Variants in KSR2 observed in about 807,000 individuals in gnomAD.
KSR2 encodes kinase suppressor of ras 2.
KSR2 carries 25 observed loss-of-function variants against 107.8 expected under a neutral mutation model. The observed-to-expected ratio is 0.23, with a 90% CI of 0.17 to 0.32. KSR2 has a LOEUF of 0.32. Among genes scored for constraint, KSR2 ranks in the 10% least tolerant of loss-of-function variants. The pLI is 1.00. For missense variants in KSR2, 887 were observed against 1,268.9 expected (o/e 0.70, Z 4.57); for synonymous variants, 480 against 507.0 (o/e 0.95, Z 0.71).
chr12:117,732,911 G>A (rs1887788569), intron 4 of KSR2, among the ~76,000 whole-genome samples: 1 of 152,138 alleles, frequency 6.6e-6, no homozygotes, highest in Admixed American at 6.5e-5. Context: ...GCCCCGCCCT[G>A]CGAGAGGGTC....
intron 14 of KSR2, among the ~76,000 whole-genome samples, chr12:117,489,741 T>C (rs1032300893): frequency 5.3e-5 from 8 of 152,134 alleles, no homozygotes; most frequent in Non-Finnish European, 7.4e-5. Context: ...GGCCTGGCTG[T>C]GCCCACCTGG....
At chr12:117,680,124 T>C (rs1305883930) in intron 4 of KSR2, among the ~76,000 whole-genome samples, 1 of 152,234 alleles carries the variant, frequency 6.6e-6, no homozygotes, top group Admixed American at 6.5e-5. Flanking sequence ...AGCATACAGC[T>C]TCTCTCTTGA....
At chr12:117,701,862 G>A (rs542636033) in intron 4 of KSR2, among the ~76,000 whole-genome samples, 1 of 152,170 alleles carries the variant, frequency 6.6e-6, no homozygotes. Flanking sequence ...TAGAGCCTTC[G>A]GAAGGAGCAT....
At chr12:117,670,018 T>C (rs1884837967) in intron 4 of KSR2, among the ~76,000 whole-genome samples, 1 of 152,194 alleles carries the variant, frequency 6.6e-6, no homozygotes, top group Non-Finnish European at 1.5e-5. Context: ...GCATCTTCCT[T>C]GCCAACAGAT....
intron 3 of KSR2, among the ~76,000 whole-genome samples, chr12:117,847,336 C>T (rs1434800746): frequency 2.0e-5 from 3 of 152,230 alleles, no homozygotes; most frequent in Non-Finnish European, 4.4e-5. Flanking sequence ...CAGAGGGCAT[C>T]TGAGGCTGTC....
In KSR2 at chr12:117,469,762, C is replaced by G. The variant is rs1324179871; in HGVS notation, c.2746G>C (p.Glu916Gln). Residue 916 changes from glutamate (E) to glutamine (Q), a missense_variant, in exon 19 of 20, where the codon GAA (glutamate) becomes CAA (glutamine). Physicochemically the swap from Glu to Gln is conservative, Grantham distance 29. Coordinates refer to ENST00000339824, the MANE Select transcript of KSR2 (RefSeq NM_173598.6). The part of the protein sequence containing the change: ...ILLFCWAFEQ[E>Q]ERPTFTKLMD... ...AGCTTGGTGAAGGTAGGTCTCTCTT[C>G]TTGTTCAAAGGCCCAGCAGAAGAGA... is the stretch of plus-strand genomic sequence containing the variant. 6.2e-7 allele frequency: 1 copy of G among 1,613,800 alleles called. No individual in the cohort carries two copies. Among genetic ancestry groups the G allele is most frequent in the Non-Finnish European group, 8.5e-7 (1 of 1,179,888 alleles).
At position 117,551,474 on chromosome 12, in the gene KSR2, T is replaced by G. The variant is rs1484891512; in HGVS notation, c.1518+3695A>C. On this transcript the variant is annotated intron_variant, in intron 9 of 19. Transcript: ENST00000339824. ...ATGTCTATTTTACATAAAGGAAAAC[T>G]AAGGCAGACAGATCTTGAGATAACT... 3.3e-5 allele frequency among the ~76,000 whole-genome samples: 5 copies of G among 152,180 alleles called. No individual in the cohort carries two copies. The South Asian group carries it at 1.0e-3, about 32-fold the overall frequency.
At chr12:117,648,356 T>C (rs955707046) in intron 5 of KSR2, among the ~76,000 whole-genome samples, 14 of 152,122 alleles carry the variant, frequency 9.2e-5, no homozygotes, top group Admixed American at 7.2e-4. Context: ...ACCCCCACCA[T>C]TGTCCGACAC....
intron 5 of KSR2, among the ~76,000 whole-genome samples, chr12:117,623,264 G>A (rs1882289796): frequency 6.6e-6 from 1 of 151,906 alleles, no homozygotes; most frequent in Non-Finnish European, 1.5e-5. Context: ...TAAGTTCTAG[G>A]GTACATGTGC....
chr12:117,472,676 G>A (rs1176711306), intron 17 of KSR2, among the ~76,000 whole-genome samples: 4 of 152,200 alleles, frequency 2.6e-5, no homozygotes, highest in Non-Finnish European at 5.9e-5. Context: ...GCTGGGGAAG[G>A]GGTGGTGATG....
chr12:117,579,148 C>T lies in KSR2; in HGVS notation c.1296G>A (p.Met432Ile). The T allele has an allele frequency of 6.2e-7, 1 of 1,613,730 alleles. No individual in the cohort carries two copies. Among genetic ancestry groups the T allele is most frequent in the Non-Finnish European group, 8.5e-7 (1 of 1,179,816 alleles). ...SQTCTVCGKGMLFGLKCKNCK... is the reference protein window; with the variant it reads ...SQTCTVCGKGILFGLKCKNCK... ...AGTTTTTACACTTGAGGCCAAAAAG[C>T]ATCCCTTTCCCACAGACTGTGCACG... The change falls in exon 7 of 20, where the codon ATG becomes ATA. Residue 432 changes from methionine to isoleucine, a missense_variant. By Grantham distance (10) the Met-to-Ile change is conservative (BLOSUM62 1). Transcript: ENST00000339824.
chr12:117,672,248 T>C (rs1884942385), intron 4 of KSR2, among the ~76,000 whole-genome samples: 1 of 152,232 alleles, frequency 6.6e-6, no homozygotes, highest in African/African-American at 2.4e-5. Flanking sequence ...TCCTAATGAC[T>C]GTGACTGTGT....
intron 3 of KSR2, among the ~76,000 whole-genome samples, chr12:117,827,991 T>C (rs968473696): frequency 6.6e-5 from 10 of 152,216 alleles, no homozygotes; most frequent in Admixed American, 5.2e-4. Context: ...TTATCTCATA[T>C]TATCTTCCCT....
intron 3 of KSR2, among the ~76,000 whole-genome samples, chr12:117,781,573 G>C (rs549892824): frequency 6.6e-6 from 1 of 152,162 alleles, no homozygotes; most frequent in South Asian, 2.1e-4. Context: ...CACCCCTCAC[G>C]AACCAAACCC....
intron 1 of KSR2, among the ~76,000 whole-genome samples, chr12:117,950,194 G>C (rs375704688): frequency 5.3e-5 from 8 of 151,816 alleles, no homozygotes; most frequent in Non-Finnish European, 1.0e-4. Flanking sequence ...GGGTGGTCTC[G>C]AACTCCTGAG....
chr12:117,653,215 A>G (rs143545356), intron 5 of KSR2, among the ~76,000 whole-genome samples: 1 of 152,370 alleles, frequency 6.6e-6, no homozygotes, highest in African/African-American at 2.4e-5. Context: ...ACCAAGTGGT[A>G]ACTCCAACTG....
chr12:117,840,459 G>C (rs371477176), intron 3 of KSR2, among the ~76,000 whole-genome samples: 1 of 151,998 alleles, frequency 6.6e-6, no homozygotes, highest in South Asian at 2.1e-4. Context: ...GCAGTGGCAT[G>C]ATCTCAGCTT....
intron 1 of KSR2, among the ~76,000 whole-genome samples, chr12:117,868,783 C>T (rs1252803653): frequency 1.3e-5 from 2 of 150,944 alleles, no homozygotes; most frequent in Non-Finnish European, 2.9e-5. Context: ...CAGAGTCTTA[C>T]TCTGTCACCC....
intron 3 of KSR2, among the ~76,000 whole-genome samples, chr12:117,795,091 T>C (rs541644452): frequency 1.3e-5 from 2 of 152,292 alleles, no homozygotes; most frequent in Admixed American, 1.3e-4. Context: ...AGCAGAGAAA[T>C]GCCCCCAAGA....
Sources: gnomAD v4.1 joint callset for allele counts (sites outside exome capture counted in the v4.1 genomes callset) on GRCh38, gnomAD v4.1.1 for gene constraint, MANE v1.5 for transcripts, NCBI Gene and HGNC (gene_info 2026-07-23, HGNC 2026-07-21) for gene names.